Variants in CLDND2 observed in about 807,000 individuals in gnomAD.
CLDND2 encodes claudin domain-containing protein 2.
CLDND2 carries 18 observed loss-of-function variants against 17.7 expected under a neutral mutation model. The ratio of observed to expected loss-of-function variants is 1.02; its 90% confidence interval spans 0.70 to 1.51. The LOEUF (loss-of-function observed/expected upper bound fraction) is 1.51, where lower values mean the gene tolerates loss of function less well. Ranked by LOEUF, CLDND2 falls within the 40% of genes most tolerant of loss-of-function variation. The pLI is 0.00. For synonymous variants in CLDND2, 113 were observed against 93.0 expected (o/e 1.22, Z -1.24); for missense variants, 233 against 219.6 (o/e 1.06, Z -0.39).
In CLDND2 at chr19:51,367,640, C is replaced by T; in HGVS notation, c.311-64G>A. The T allele has an allele frequency of 6.5e-7, 1 of 1,550,070 alleles. No individual in the cohort carries two copies. Among genetic ancestry groups the T allele is most frequent in the Non-Finnish European group, 8.7e-7 (1 of 1,147,710 alleles). ...TGGTGGGGGCTGCACCCAGGCCACG[C>T]CCCTTCAGACCCGCCCCCTTCTATC... is the stretch of plus-strand genomic sequence containing the variant. On this transcript the variant is annotated intron_variant, in intron 2 of 3. Coordinates refer to ENST00000291715, the MANE Select transcript of CLDND2 (RefSeq NM_152353.3). This position sits in a 1 kb window ranked among gnomAD's most constrained non-coding sequence, Gnocchi z 7.4.
intron 1 of CLDND2, 141 bp from the exon 2 acceptor site, chr19:51,368,167 T>C: frequency 4.0e-6 from 4 of 1,005,836 alleles, no homozygotes; most frequent in Admixed American, 2.7e-5. Context: ...GAGTCAGGCG[T>C]TTGGATTGAG....
downstream of CLDND2, among the ~76,000 whole-genome samples, chr19:51,366,782 G>T (rs1222115316): frequency 6.6e-6 from 1 of 151,888 alleles, no homozygotes; most frequent in Non-Finnish European, 1.5e-5. Context: ...TCGCGCGTCG[G>T]TCTCTCCACT....
In CLDND2 at chr19:51,368,637, C is replaced by A. The variant is rs781672317; in HGVS notation, c.-60G>T. The A allele has an allele frequency of 3.0e-5, 44 of 1,485,906 alleles. No homozygotes were observed. The highest frequency in any genetic ancestry group is 3.8e-5 in the Non-Finnish European group (42 of 1,096,154). 92.0% of individuals were successfully genotyped at this position (1,485,906 alleles called of 1,614,324 possible). On this transcript the variant is annotated 5_prime_UTR_variant, in exon 1 of 4. Coordinates refer to ENST00000291715, the MANE Select transcript of CLDND2 (RefSeq NM_152353.3). ...GGATGGGCCCAGGCCTTTCCTACCC[C>A]GAGGCCCCCAGCTGAGGAGCCCGCT... is the stretch of plus-strand genomic sequence containing the variant.
Position 51,367,976 on chromosome 19 carries a change from C to G in CLDND2, c.220G>C (p.Val74Leu). 6.2e-7 allele frequency: 1 copy of G among 1,611,930 alleles called. No homozygotes were observed. Among genetic ancestry groups the G allele is most frequent in the Non-Finnish European group, 8.5e-7 (1 of 1,178,968 alleles). Residue 74 changes from valine (V) to leucine (L), a missense_variant, in exon 2 of 4, where the codon GTG (valine) becomes CTG (leucine). Transcript: ENST00000291715. This position sits in a 1 kb window ranked among gnomAD's most constrained non-coding sequence, Gnocchi z 7.4. ...ACMVLAVGVG[V>L]VGMVMGLRIR... ...CGCAGTCCCATCACCATGCCCACCA[C>G]GCCGACACCCACCGCCAGCACCATG... is the stretch of plus-strand genomic sequence containing the variant.
rs1467373673 is a variant in CLDND2 at position 51,367,533 on chromosome 19, A to G, written c.354T>C (p.Asn118=). The G allele has an allele frequency of 1.2e-6, 2 of 1,612,014 alleles. No individual in the cohort carries two copies. Among genetic ancestry groups the G allele is most frequent in the Admixed American group, 1.7e-5 (1 of 59,796 alleles). ...AGAAGAAGACGTTGTTCTTCCACGC[A>G]TTCTTCACGGTGTAGCCTATCAAGG... The part of the protein sequence containing the change: ...LTALIGYTVK[N]AWKNNVFFSW... The change falls in exon 3 of 4, where the codon AAT becomes AAC. Residue 118 remains asparagine (N), a synonymous_variant. Transcript: ENST00000291715. The surrounding 1 kb of genome is among the most constrained non-coding windows in gnomAD (Gnocchi z 7.4).
chr19:51,367,389 C>G lies in CLDND2; in HGVS notation c.430+68G>C. On this transcript the variant is annotated intron_variant, in intron 3 of 3. Transcript: ENST00000291715. The surrounding 1 kb of genome is among the most constrained non-coding windows in gnomAD (Gnocchi z 7.4). ...TCCCCGGGGTTTCCTGGGAGGGCAG[C>G]TGGGGAGCCTCTGGGGTGAGGGTCT... is the stretch of plus-strand genomic sequence containing the variant. 1 of 1,495,046 alleles carries G rather than the reference C, an allele frequency of 6.7e-7. No homozygotes were observed. Among genetic ancestry groups the G allele is most frequent in the East Asian group, 2.4e-5 (1 of 42,102 alleles). 92.6% of individuals were successfully genotyped at this position (1,495,046 alleles called of 1,614,324 possible). A position where few individuals can be genotyped will look rare whatever the true frequency, so the allele number is the denominator to read the frequency against.
intron 1 of CLDND2, 167 bp downstream of exon 1, chr19:51,368,242 A>T (rs1478199755): frequency 1.0e-6 from 1 of 956,790 alleles, no homozygotes; most frequent in Non-Finnish European, 1.5e-6. Context: ...GGTCGGGGAC[A>T]AGCCCACAAG....
At position 51,367,639 on chromosome 19, in the gene CLDND2, G is replaced by T; in HGVS notation, c.311-63C>A. On this transcript the variant is annotated intron_variant, in intron 2 of 3. Coordinates refer to ENST00000291715, the MANE Select transcript of CLDND2 (RefSeq NM_152353.3). The surrounding 1 kb of genome is among the most constrained non-coding windows in gnomAD (Gnocchi z 7.4). ...CTGGTGGGGGCTGCACCCAGGCCAC[G>T]CCCCTTCAGACCCGCCCCCTTCTAT... 6.4e-7 allele frequency: 1 copy of T among 1,558,706 alleles called. No individual in the cohort carries two copies. The highest frequency in any genetic ancestry group is 8.7e-7 in the Non-Finnish European group (1 of 1,151,960).
downstream of CLDND2, chr19:51,367,042 A>C (rs1454409061): frequency 9.0e-7 from 1 of 1,107,774 alleles, no homozygotes; most frequent in African/African-American, 1.5e-5. This position sits in a 1 kb window ranked among gnomAD's most constrained non-coding sequence, Gnocchi z 7.4. Context: ...CTGAGCCTCT[A>C]TGCAACCCCG....
In CLDND2 at chr19:51,367,656, C is replaced by G; in HGVS notation, c.311-80G>C. The G allele has an allele frequency of 6.5e-7, 1 of 1,531,830 alleles. No homozygotes were observed. Among genetic ancestry groups the G allele is most frequent in the East Asian group, 2.4e-5 (1 of 41,370 alleles). 94.9% of individuals were successfully genotyped at this position (1,531,830 alleles called of 1,614,324 possible). A position where few individuals can be genotyped will look rare whatever the true frequency, so the allele number is the denominator to read the frequency against. On this transcript the variant is annotated intron_variant, in intron 2 of 3. Transcript: ENST00000291715. This position sits in a 1 kb window ranked among gnomAD's most constrained non-coding sequence, Gnocchi z 7.4. ...CAGGCCACGCCCCTTCAGACCCGCC[C>G]CCTTCTATCAGACCACGCCTATCGC... is the stretch of plus-strand genomic sequence containing the variant.
In CLDND2 at chr19:51,367,321, G is replaced by C. The variant is rs745434055; in HGVS notation, c.431-106C>G. The C allele has an allele frequency of 1.4e-6, 2 of 1,399,148 alleles. No homozygotes were observed. The highest frequency in any genetic ancestry group is 2.0e-6 in the Non-Finnish European group (2 of 999,914). The allele number at this position is 1,399,148 out of a possible 1,614,324, so 86.7% of individuals were successfully genotyped here. The stretch of plus-strand genomic sequence containing the variant: ...TTGGGGCTCCAAGGGGGTCTCTGCC[G>C]GGTCTGCGGGAGTCGTTAGTGTGTT... On this transcript the variant is annotated intron_variant, in intron 3 of 3. Transcript: ENST00000291715. The surrounding 1 kb of genome is among the most constrained non-coding windows in gnomAD (Gnocchi z 7.4).
In CLDND2 at chr19:51,367,514, AGAC is replaced by A. The variant is rs1051331535; in HGVS notation, c.370_372del (p.Val124del). 6 of 1,610,462 alleles carry A rather than the reference AGAC, an allele frequency of 3.7e-6. No homozygotes were observed. In the African/African-American group the frequency reaches 8.0e-5, roughly 22 times the overall value. ...CCAGAAAAATAGGACCAAGAGAAGAAGACGTTGTTCTTCCACGCATTCTTCACG... is the reference window on the plus strand; with the variant it reads ...CCAGAAAAATAGGACCAAGAGAAGAAGTTGTTCTTCCACGCATTCTTCACG... On this transcript the variant is annotated inframe_deletion, in exon 3 of 4. Coordinates refer to ENST00000291715, the MANE Select transcript of CLDND2 (RefSeq NM_152353.3). The surrounding 1 kb of genome is among the most constrained non-coding windows in gnomAD (Gnocchi z 7.4).
At position 51,367,982 on chromosome 19, in the gene CLDND2, C is replaced by T. The variant is rs1274929937; in HGVS notation, c.214G>A (p.Val72Ile). Residue 72 changes from valine (V) to isoleucine (I), a missense_variant, in exon 2 of 4, where the codon GTC becomes ATC. By Grantham distance (29) the Val-to-Ile change is conservative. Coordinates refer to ENST00000291715, the MANE Select transcript of CLDND2 (RefSeq NM_152353.3). The surrounding 1 kb of genome is among the most constrained non-coding windows in gnomAD (Gnocchi z 7.4). Reference sequence around the variant, plus strand: ...CCCATCACCATGCCCACCACGCCGACACCCACCGCCAGCACCATGCACGCC... The same window carrying T: ...CCCATCACCATGCCCACCACGCCGATACCCACCGCCAGCACCATGCACGCC... ...TVACMVLAVG[V>I]GVVGMVMGLR... 6.2e-7 allele frequency: 1 copy of T among 1,611,404 alleles called. No homozygotes were observed. Among genetic ancestry groups the T allele is most frequent in the Non-Finnish European group, 8.5e-7 (1 of 1,178,690 alleles).
Position 51,367,810 on chromosome 19 carries a change from C to G in CLDND2, c.310+76G>C. On this transcript the variant is annotated intron_variant, in intron 2 of 3. Coordinates refer to ENST00000291715, the MANE Select transcript of CLDND2 (RefSeq NM_152353.3). This position sits in a 1 kb window ranked among gnomAD's most constrained non-coding sequence, Gnocchi z 7.4. ...GATCCTGGCCGAGTACCTCAAGCCC[C>G]TCCCCTGGCGACCAGGCCCCTCCAT... 1 of 1,554,722 alleles carries G rather than the reference C, an allele frequency of 6.4e-7. No individual in the cohort carries two copies. The highest frequency in any genetic ancestry group is 8.7e-7 in the Non-Finnish European group (1 of 1,156,016).
intron 1 of CLDND2, 99 bp downstream of exon 1, chr19:51,368,310 G>T (rs767629079): frequency 6.5e-6 from 9 of 1,387,724 alleles, no homozygotes; most frequent in Middle Eastern, 2.6e-4. Flanking sequence ...AACTGAGCCC[G>T]GGGTGGAAGG....
Position 51,368,299 on chromosome 19 carries a change from C to T in CLDND2, c.169+110G>A, listed in dbSNP as rs566078718. On this transcript the variant is annotated intron_variant, in intron 1 of 3. Coordinates refer to ENST00000291715, the MANE Select transcript of CLDND2 (RefSeq NM_152353.3). ...GGCCTCGGCCGACAAGGGACAGCTG[C>T]AACTGAGCCCGGGGTGGAAGGGGTG... 2.5e-3 allele frequency: 3,321 copies of T among 1,338,358 alleles called. 12 individuals are homozygous for T. Among genetic ancestry groups the T allele is most frequent in the Non-Finnish European group, 3.1e-3 (3,029 of 981,706 alleles). The allele number at this position is 1,338,358 out of a possible 1,614,324, so 82.9% of individuals were successfully genotyped here.
At position 51,367,779 on chromosome 19, in the gene CLDND2, C is replaced by G; in HGVS notation, c.310+107G>C. ...CTCTCTCGGCTTCTTCCAGCCCTGCCCCTCGGATCCTGGCCGAGTACCTCA... is the reference window on the plus strand; with the variant it reads ...CTCTCTCGGCTTCTTCCAGCCCTGCGCCTCGGATCCTGGCCGAGTACCTCA... On this transcript the variant is annotated intron_variant, in intron 2 of 3. Transcript: ENST00000291715. This position sits in a 1 kb window ranked among gnomAD's most constrained non-coding sequence, Gnocchi z 7.4. 1.3e-6 allele frequency: 2 copies of G among 1,495,644 alleles called. No individual in the cohort carries two copies. Among genetic ancestry groups the G allele is most frequent in the Middle Eastern group, 2.2e-4 (1 of 4,592 alleles). 92.6% of individuals were successfully genotyped at this position (1,495,644 alleles called of 1,614,324 possible). A position where few individuals can be genotyped will look rare whatever the true frequency, so the allele number is the denominator to read the frequency against.
Position 51,367,597 on chromosome 19 carries a change from A to G in CLDND2, c.311-21T>C, listed in dbSNP as rs768579497. 6.2e-7 allele frequency: 1 copy of G among 1,606,766 alleles called. No individual in the cohort carries two copies. Among genetic ancestry groups the G allele is most frequent in the South Asian group, 1.1e-5 (1 of 89,910 alleles). On this transcript the variant is annotated intron_variant, in intron 2 of 3. Coordinates refer to ENST00000291715, the MANE Select transcript of CLDND2 (RefSeq NM_152353.3). The surrounding 1 kb of genome is among the most constrained non-coding windows in gnomAD (Gnocchi z 7.4). ...CAGTCCTGGGCCCCGCCCAGCCGCA[A>G]GATGAGCTAGCTGGGCCTGGTGGGG... is the stretch of plus-strand genomic sequence containing the variant.
rs769977271 is a variant in CLDND2, at chr19:51,368,606, A to C, written c.-29T>G. 2 of 1,602,710 alleles carry C rather than the reference A, an allele frequency of 1.2e-6. No homozygotes were observed. The highest frequency in any genetic ancestry group is 2.2e-5 in the South Asian group (2 of 90,330). ...ACTGAGGCTGCAGCCGGGGGCCACA[A>C]GGGCAGGATGGGCCCAGGCCTTTCC... On this transcript the variant is annotated 5_prime_UTR_variant, in exon 1 of 4. Coordinates refer to ENST00000291715, the MANE Select transcript of CLDND2 (RefSeq NM_152353.3).
Sources: gnomAD v4.1 joint callset for allele counts (sites outside exome capture counted in the v4.1 genomes callset) on GRCh38, gnomAD v4.1.1 for gene constraint, Gnocchi (gnomAD v3.1) non-coding constraint, MANE v1.5 for transcripts, NCBI Gene and HGNC (gene_info 2026-07-23, HGNC 2026-07-21) for gene names.